TLE2: variants seen among roughly 807,000 people sequenced by gnomAD.
TLE2 encodes transducin-like enhancer protein 2.
In TLE2, 74 loss-of-function variants were observed where a neutral mutation model predicts 97.2. That is an observed-to-expected ratio of 0.76 (90% CI 0.63 to 0.92). The LOEUF is 0.92. Ranked by LOEUF, TLE2 falls within the 40% of genes least tolerant of loss-of-function variation. The probability of loss-of-function intolerance (pLI) is 0.00; values close to 1 mark genes in which losing one functional copy is unlikely to be tolerated. For synonymous variants in TLE2, 499 were observed against 432.1 expected (o/e 1.15, Z -1.92); for missense variants, 1,038 against 1,008.7 (o/e 1.03, Z -0.39).
chr19:3,008,749 C>A, intron 14 of TLE2, 120 bp downstream of exon 14: 1 of 732,454 alleles, frequency 1.4e-6, no homozygotes, highest in Non-Finnish European at 2.0e-6. Context: ...CTGTGCCCGG[C>A]CCACACAAGA....
intron 19 of TLE2, among the ~76,000 whole-genome samples, chr19:2,999,034 C>T (rs375069): frequency 0.025 from 3,859 of 152,172 alleles, 168 homozygotes; most frequent in African/African-American, 0.088. Flanking sequence ...GGTGGCTCGG[C>T]GCTTCCGGAG....
At position 3,005,944 on chromosome 19, in the gene TLE2, A is replaced by G; in HGVS notation, c.1525T>C (p.Cys509Arg). ...CLNRDNYIRS[C>R]KLLPDGRSLI... ...CTCCGGCCATCCGGCAGCAACTTGC[A>G]GGAACGAATGTAGTTGTCTCGGTTC... Residue 509 changes from cysteine (C) to arginine (R), a missense_variant, in exon 16 of 20, where the codon TGC becomes CGC. Cys to Arg is a radical substitution (Grantham distance 180, BLOSUM62 -3). Coordinates refer to ENST00000262953, the MANE Select transcript of TLE2 (RefSeq NM_003260.5). 6.2e-7 allele frequency: 1 copy of G among 1,610,612 alleles called. No homozygotes were observed. The highest frequency in any genetic ancestry group is 8.5e-7 in the Non-Finnish European group (1 of 1,177,174).
Position 3,019,384 on chromosome 19 carries a change from G to A in TLE2, c.449C>T (p.Ala150Val). ...TCCAGACAGAGCAAGCAGCCCCGTA[G>A]CACTGCCGCCCACCAGCCCGGCTGG... ...PRPAGLVGGSATGLLALSGAL... is the reference protein window; with the variant it reads ...PRPAGLVGGSVTGLLALSGAL... Residue 150 changes from alanine (A) to valine (V), a missense_variant, in exon 7 of 20, where the codon GCT (alanine) becomes GTT (valine). Transcript: ENST00000262953. This position sits in a 1 kb window ranked among gnomAD's most constrained non-coding sequence, Gnocchi z 5.1. 1 of 1,547,624 alleles carries A rather than the reference G, an allele frequency of 6.5e-7. No homozygotes were observed. Among genetic ancestry groups the A allele is most frequent in the East Asian group, 2.4e-5 (1 of 41,572 alleles).
At chr19:3,044,172 A>T (rs1401241530) in intron 1 of TLE2, among the ~76,000 whole-genome samples, 1 of 131,400 alleles carries the variant, frequency 7.6e-6, no homozygotes, top group Non-Finnish European at 1.6e-5. Context: ...CCGTCTCACC[A>T]AAAAAAAAAA....
chr19:3,044,898 G>A (rs2090130767), intron 1 of TLE2, among the ~76,000 whole-genome samples: 1 of 152,218 alleles, frequency 6.6e-6, no homozygotes, highest in Non-Finnish European at 1.5e-5. Flanking sequence ...TAAATTGTGC[G>A]GAGCAAAAAA....
intron 4 of TLE2, 124 bp from the exon 5 acceptor site, chr19:3,025,206 C>A: frequency 8.8e-7 from 1 of 1,131,284 alleles, no homozygotes; most frequent in East Asian, 2.7e-5. Context: ...CGCAGGTGCA[C>A]AGAGGGAACT....
At position 3,009,583 on chromosome 19, in the gene TLE2, G is replaced by A. The variant is rs762985660; in HGVS notation, c.1132C>T (p.Pro378Ser). ...PSSYVSLHLS[P>S]QVSSSVVYGR... Reference sequence around the variant, plus strand: ...TACACCACAGAGCTGCTGACCTGGGGGGACAGGTGGAGGCTGACGTAGGAG... The same window carrying A: ...TACACCACAGAGCTGCTGACCTGGGAGGACAGGTGGAGGCTGACGTAGGAG... The change falls in exon 13 of 20, where the codon CCC becomes TCC. Residue 378 changes from proline to serine, a missense_variant. Physicochemically the swap from Pro to Ser is moderately conservative, Grantham distance 74. Transcript: ENST00000262953. 3 of 1,613,406 alleles carry A rather than the reference G, an allele frequency of 1.9e-6. No homozygotes were observed. The highest frequency in any genetic ancestry group is 2.5e-6 in the Non-Finnish European group (3 of 1,179,690).
chr19:3,025,671 T>G, intron 4 of TLE2: 1 of 937,832 alleles, frequency 1.1e-6, no homozygotes, highest in Non-Finnish European at 1.3e-6. Context: ...AGAAGGCGTG[T>G]GGGTGGGGAA....
chr19:3,003,623 G>A (rs1435751762), intron 17 of TLE2, among the ~76,000 whole-genome samples: 2 of 136,676 alleles, frequency 1.5e-5, no homozygotes, highest in Non-Finnish European at 3.1e-5. Flanking sequence ...GGGTGACAGA[G>A]CAAGACTCTG....
chr19:3,004,979 C>T (rs1369432720), intron 17 of TLE2, among the ~76,000 whole-genome samples: 4 of 152,112 alleles, frequency 2.6e-5, no homozygotes, highest in Non-Finnish European at 5.9e-5. Context: ...TCAGCTTAGA[C>T]TCCACCTTCA....
At chr19:3,011,581 G>A (rs2089598232) in intron 11 of TLE2, among the ~76,000 whole-genome samples, 1 of 151,358 alleles carries the variant, frequency 6.6e-6, no homozygotes, top group East Asian at 1.9e-4. Context: ...CAGGCGCAGT[G>A]GCTCACGCCT....
intron 8 of TLE2, among the ~76,000 whole-genome samples, chr19:3,017,390 G>A (rs973970318): frequency 1.3e-5 from 2 of 151,048 alleles, no homozygotes; most frequent in Non-Finnish European, 2.9e-5. Context: ...TGCCCACCTT[G>A]GCCTCCCAAA....
At chr19:3,009,798 C>T (rs2089554404) in intron 12 of TLE2, 96 bp from the exon 13 acceptor site, 6 of 1,458,428 alleles carry the variant, frequency 4.1e-6, no homozygotes, top group Non-Finnish European at 5.5e-6. Context: ...TTTAGAGTTT[C>T]CATGTGCTGG....
chr19:3,033,698 G>A (rs1207442582), upstream of TLE2, among the ~76,000 whole-genome samples: 1 of 152,062 alleles, frequency 6.6e-6, no homozygotes, highest in Non-Finnish European at 1.5e-5. Flanking sequence ...ACCTCCCTCT[G>A]CGGGGCTCTC....
At chr19:3,044,444 G>T (rs1168576200) in intron 1 of TLE2, among the ~76,000 whole-genome samples, 2 of 152,160 alleles carry the variant, frequency 1.3e-5, no homozygotes, top group Non-Finnish European at 2.9e-5. Flanking sequence ...TTTAGAGAAG[G>T]ATTCCCGCTC....
At chr19:3,006,816 C>G in intron 14 of TLE2, 147 bp from the exon 15 acceptor site, 1 of 1,235,714 alleles carries the variant, frequency 8.1e-7, no homozygotes, top group East Asian at 2.6e-5. Context: ...GGAGTCTCGC[C>G]GTGTCGCCCA....
At chr19:3,040,292 G>T (rs1191806588) in intron 1 of TLE2, among the ~76,000 whole-genome samples, 1 of 152,128 alleles carries the variant, frequency 6.6e-6, no homozygotes, top group Admixed American at 6.5e-5. Flanking sequence ...CACAGATGGG[G>T]GTTGAACAAA....
chr19:3,033,176 AT>A (rs71337195), upstream of TLE2, among the ~76,000 whole-genome samples: 3,950 of 139,648 alleles, frequency 0.028, 67 homozygotes, highest in African/African-American at 0.058. Flanking sequence ...AGCCTGGCTA[AT>A]TTTTTTTTTT....
In TLE2 at chr19:3,010,614, T is replaced by C. The variant is rs138712896; in HGVS notation, c.1012+408A>G. On this transcript the variant is annotated intron_variant, in intron 12 of 19. Transcript: ENST00000262953. ...GGGGCCCCAGAACCAGCCCAGGGCC[T>C]GACCATAAGGCAGAAAAGATGAGCA... is the stretch of plus-strand genomic sequence containing the variant. Among the ~76,000 whole-genome samples the C allele has an allele frequency of 4.8e-3, 734 of 152,190 alleles. 11 individuals are homozygous for C. The highest frequency in any genetic ancestry group is 0.016 in the African/African-American group (661 of 41,532).
Sources: allele counts gnomAD v4.1 joint callset (sites outside exome capture counted in the v4.1 genomes callset), GRCh38; gene constraint gnomAD v4.1.1; non-coding constraint Gnocchi (gnomAD v3.1); transcripts MANE v1.5; gene names NCBI Gene and HGNC (gene_info 2026-07-23, HGNC 2026-07-21).